Variants in NIBAN1 observed in about 807,000 individuals in gnomAD.
The protein encoded by NIBAN1 is protein Niban 1.
NIBAN1 carries 81 observed loss-of-function variants against 75.1 expected under a neutral mutation model. The observed-to-expected ratio is 1.08, with a 90% CI of 0.90 to 1.30. The LOEUF (loss-of-function observed/expected upper bound fraction) is 1.30, where lower values mean the gene tolerates loss of function less well. NIBAN1 is among the 50% of genes most tolerant of loss of function. The pLI is 0.00. For synonymous variants in NIBAN1, 436 were observed against 424.8 expected, an observed-to-expected ratio of 1.03 and a Z score of -0.32; for missense variants, 1,133 against 1,128.1, an observed-to-expected ratio of 1.00 and a Z score of -0.06.
chr1:184,829,809 C>T (rs998774743), intron 6 of NIBAN1, among the ~76,000 whole-genome samples: 1 of 152,054 alleles, frequency 6.6e-6, no homozygotes, highest in African/African-American at 2.4e-5. Flanking sequence ...TGTAAGTTCA[C>T]ATTAGTTTCC....
intron 1 of NIBAN1, among the ~76,000 whole-genome samples, chr1:184,900,791 T>C (rs1656933973): frequency 6.6e-6 from 1 of 152,210 alleles, no homozygotes; most frequent in Non-Finnish European, 1.5e-5. Context: ...CAGGCTTCAC[T>C]GATTGTGCTC....
chr1:184,875,827 T>C (rs1453351256), intron 5 of NIBAN1, among the ~76,000 whole-genome samples: 1 of 152,052 alleles, frequency 6.6e-6, no homozygotes, highest in South Asian at 2.1e-4. Flanking sequence ...GAAATTAACA[T>C]AATAGAAAAC....
At chr1:184,830,505 G>C (rs1251129937) in intron 6 of NIBAN1, among the ~76,000 whole-genome samples, 1 of 152,184 alleles carries the variant, frequency 6.6e-6, no homozygotes, top group African/African-American at 2.4e-5. Context: ...AAAAAAAAGA[G>C]AGAGAGAGAA....
chr1:184,859,355 C>T (rs978536615), intron 5 of NIBAN1, among the ~76,000 whole-genome samples: 7 of 152,192 alleles, frequency 4.6e-5, no homozygotes, highest in African/African-American at 9.7e-5. Context: ...AGCCTACCCA[C>T]GTTGATCAAT....
At chr1:184,827,181 C>A (rs1456859977) in intron 6 of NIBAN1, among the ~76,000 whole-genome samples, 2 of 152,098 alleles carry the variant, frequency 1.3e-5, no homozygotes, top group African/African-American at 4.8e-5. Flanking sequence ...TTATAAATTA[C>A]CCAGTCTCGG....
chr1:184,817,685 C>T (rs1227239092), intron 9 of NIBAN1, among the ~76,000 whole-genome samples: 2 of 152,144 alleles, frequency 1.3e-5, no homozygotes, highest in East Asian at 3.8e-4. Context: ...TGAGAAGTGG[C>T]TGTTCATATC....
Position 184,851,642 on chromosome 1 carries a change from A to AAG in NIBAN1, c.602-19681_602-19680insCT, listed in dbSNP as rs1430987067. Among the ~76,000 whole-genome samples, 52 of 8,978 alleles carry AAG rather than the reference A, an allele frequency of 5.8e-3. 17 individuals are homozygous for AAG. The highest frequency in any genetic ancestry group is 0.015 in the African/African-American group (49 of 3,238). The allele number at this position is 8,978 out of a possible 152,430, so 5.9% of individuals were successfully genotyped here. ...TTAGAGTATAATAAAAAAAAAAAAA[A>AAG]TTAAAAAAAAAAATTTTAAAAAGAA... is the stretch of plus-strand genomic sequence containing the variant. On this transcript the variant is annotated intron_variant, in intron 5 of 13. Transcript: ENST00000367511.
intron 5 of NIBAN1, among the ~76,000 whole-genome samples, chr1:184,843,205 C>T (rs559943743): frequency 1.5e-4 from 23 of 152,324 alleles, no homozygotes; most frequent in Admixed American, 1.2e-3. Context: ...CTCCTCCCTT[C>T]GGAAGCAGTC....
chr1:184,945,465 T>G (rs760593683), intron 1 of NIBAN1, among the ~76,000 whole-genome samples: 1 of 152,222 alleles, frequency 6.6e-6, no homozygotes, highest in African/African-American at 2.4e-5. Flanking sequence ...GTCATCAGAT[T>G]TCTTTACAAG....
chr1:184,902,518 C>T (rs888979999), intron 1 of NIBAN1, among the ~76,000 whole-genome samples: 3 of 152,038 alleles, frequency 2.0e-5, no homozygotes, highest in Non-Finnish European at 4.4e-5. Flanking sequence ...ATGTGGGTGT[C>T]CCTTAGGCAA....
At chr1:184,873,326 G>A (rs761973890) in intron 5 of NIBAN1, among the ~76,000 whole-genome samples, 2 of 152,228 alleles carry the variant, frequency 1.3e-5, no homozygotes, top group Non-Finnish European at 2.9e-5. Context: ...AAAGAAAGCA[G>A]TGAAGGAGAT....
intron 10 of NIBAN1, among the ~76,000 whole-genome samples, chr1:184,807,000 C>A (rs934613571): frequency 6.6e-6 from 1 of 152,146 alleles, no homozygotes; most frequent in Non-Finnish European, 1.5e-5. Context: ...AAACTCCTGA[C>A]TTCAAGTGAT....
intron 12 of NIBAN1, among the ~76,000 whole-genome samples, chr1:184,798,676 A>G (rs764502716): frequency 1.4e-4 from 21 of 152,312 alleles, no homozygotes; most frequent in South Asian, 2.1e-4. Flanking sequence ...AGTTCAGCTC[A>G]ATGATTTTAA....
In NIBAN1 at chr1:184,805,998, T is replaced by C; in HGVS notation, c.1394A>G (p.Glu465Gly). ...EQLLSPHLQG[E>G]ASKTAVAIEK... ...AATGGCAACTGCAGTTTTGGAGGCCTCTCCTTGGAGATGTGGGGAAAGCAA... is the reference window on the plus strand; with the variant it reads ...AATGGCAACTGCAGTTTTGGAGGCCCCTCCTTGGAGATGTGGGGAAAGCAA... The change falls in exon 11 of 14, where the codon GAG becomes GGG. Residue 465 changes from glutamate (E) to glycine (G), a missense_variant. Transcript: ENST00000367511. 6.2e-7 allele frequency: 1 copy of C among 1,614,184 alleles called. No individual in the cohort carries two copies. The highest frequency in any genetic ancestry group is 1.7e-5 in the Admixed American group (1 of 60,028).
rs191534796 is a variant in NIBAN1 at position 184,963,084 on chromosome 1, A to G, written c.55+11218T>C. On this transcript the variant is annotated intron_variant, in intron 1 of 13. Transcript: ENST00000367511. ...AAGTAAGAAAAAAATACATAAGCAAATCAAAATTCCATGTAATAGAAAAAT... is the reference window on the plus strand; with the variant it reads ...AAGTAAGAAAAAAATACATAAGCAAGTCAAAATTCCATGTAATAGAAAAAT... Among the ~76,000 whole-genome samples the G allele has an allele frequency of 3.6e-3, 542 of 152,236 alleles. 3 individuals are homozygous for G. The highest frequency in any genetic ancestry group is 0.012 in the African/African-American group (519 of 41,582).
At chr1:184,901,776 T>C (rs944792804) in intron 1 of NIBAN1, among the ~76,000 whole-genome samples, 1 of 152,208 alleles carries the variant, frequency 6.6e-6, no homozygotes, top group African/African-American at 2.4e-5. Context: ...GGTGCCATAA[T>C]GCTCTCTTCT....
intron 1 of NIBAN1, among the ~76,000 whole-genome samples, chr1:184,920,739 G>A (rs995299531): frequency 4.5e-4 from 69 of 152,282 alleles, no homozygotes; most frequent in Non-Finnish European, 7.9e-4. Flanking sequence ...CTACCAAAAA[G>A]AAATGTATTT....
chr1:184,834,727 T>G (rs1027922064), intron 5 of NIBAN1, among the ~76,000 whole-genome samples: 3 of 152,234 alleles, frequency 2.0e-5, no homozygotes, highest in African/African-American at 7.2e-5. Flanking sequence ...TAAATTTATT[T>G]AAGTTCTTTG....
intron 5 of NIBAN1, 34 bp downstream of exon 5, chr1:184,884,599 C>A (rs1656462509): frequency 2.5e-6 from 4 of 1,610,074 alleles, no homozygotes; most frequent in African/African-American, 1.3e-5. Flanking sequence ...GCCCCACTTC[C>A]CGCCCCGGGG....
Sources: gnomAD v4.1 joint callset for allele counts (sites outside exome capture counted in the v4.1 genomes callset) on GRCh38, gnomAD v4.1.1 for gene constraint, MANE v1.5 for transcripts, NCBI Gene and HGNC (gene_info 2026-07-23, HGNC 2026-07-21) for gene names.